Variants in PRPSAP1 observed in about 807,000 individuals in gnomAD.
The protein encoded by PRPSAP1 is phosphoribosyl pyrophosphate synthetase associated protein 1, also known as phosphoribosyl pyrophosphate synthase-associated protein 1.
Under a neutral mutation model 39.4 loss-of-function variants are expected in PRPSAP1, and 31 were observed. That is an observed-to-expected ratio of 0.79 (90% confidence interval 0.59 to 1.06). The LOEUF (loss-of-function observed/expected upper bound fraction) is 1.06, where lower values mean the gene tolerates loss of function less well. Ranked by LOEUF, PRPSAP1 falls within the 50% of genes least tolerant of loss-of-function variation. The pLI is 0.00. For synonymous variants in PRPSAP1, 212 were observed against 192.6 expected, an observed-to-expected ratio of 1.10 and a Z score of -0.83; for missense variants, 430 against 511.6, an observed-to-expected ratio of 0.84 and a Z score of 1.54.
chr17:76,326,946 A>G (rs1042276492), intron 7 of PRPSAP1, among the ~76,000 whole-genome samples: 2 of 152,074 alleles, frequency 1.3e-5, no homozygotes, highest in Admixed American at 1.3e-4. Flanking sequence ...AAAAAACCCC[A>G]TGTATATAAA....
At position 76,332,117 on chromosome 17, in the gene PRPSAP1, C is replaced by T. The variant is rs1056959608; in HGVS notation, c.463+146G>A. The T allele has an allele frequency of 5.6e-6, 5 of 894,954 alleles. No individual in the cohort carries two copies. The East Asian group carries it at 7.4e-5, about 13-fold the overall frequency. The allele number at this position is 894,954 out of a possible 1,614,324, so 55.4% of individuals were successfully genotyped here. A position where few individuals can be genotyped will look rare whatever the true frequency, so the allele number is the denominator to read the frequency against. On this transcript the variant is annotated intron_variant, in intron 4 of 9. Coordinates refer to ENST00000446526, the MANE Select transcript of PRPSAP1 (RefSeq NM_002766.3). Reference sequence around the variant, plus strand: ...TAAGGGAAAAAAAAGAATTTCTAACCGAGCTCACATATCCTTAGCCAAAAC... The same window carrying T: ...TAAGGGAAAAAAAAGAATTTCTAACTGAGCTCACATATCCTTAGCCAAAAC...
At chr17:76,316,756 A>G (rs2071128675) in intron 7 of PRPSAP1, among the ~76,000 whole-genome samples, 1 of 152,236 alleles carries the variant, frequency 6.6e-6, no homozygotes, top group South Asian at 2.1e-4. Context: ...AATGTTTCCA[A>G]TTCATCAAAC....
chr17:76,335,237 C>T (rs1236018224), intron 3 of PRPSAP1, among the ~76,000 whole-genome samples: 1 of 152,160 alleles, frequency 6.6e-6, no homozygotes, highest in Non-Finnish European at 1.5e-5. Flanking sequence ...GCATGAGCCA[C>T]CACACCCAGG....
intron 3 of PRPSAP1, among the ~76,000 whole-genome samples, chr17:76,335,558 G>A (rs372154810): frequency 6.6e-6 from 1 of 151,800 alleles, no homozygotes; most frequent in African/African-American, 2.4e-5. Context: ...GTTTCACCAT[G>A]TTGGCCAGGC....
chr17:76,348,350 G>A (rs943215567), intron 2 of PRPSAP1, among the ~76,000 whole-genome samples, 179 bp downstream of exon 2: 6 of 151,626 alleles, frequency 4.0e-5, no homozygotes, highest in Non-Finnish European at 8.8e-5. Flanking sequence ...GCGGGCGTCT[G>A]TAATCCCAGC....
At chr17:76,330,273 C>A in intron 5 of PRPSAP1, 175 bp from the exon 6 acceptor site, 1 of 610,100 alleles carries the variant, frequency 1.6e-6, no homozygotes, top group South Asian at 2.2e-5. Flanking sequence ...CTGGAAAAAG[C>A]ACTCCTACGT....
At chr17:76,350,210 C>A (rs947993700) in intron 1 of PRPSAP1, among the ~76,000 whole-genome samples, 1 of 151,412 alleles carries the variant, frequency 6.6e-6, no homozygotes, top group South Asian at 2.1e-4. Context: ...GAGGCCGAGG[C>A]GGGCGGATCA....
intron 1 of PRPSAP1, among the ~76,000 whole-genome samples, chr17:76,352,270 C>T (rs994033976): frequency 6.6e-6 from 1 of 152,126 alleles, no homozygotes; most frequent in East Asian, 1.9e-4. Context: ...TCTTAGATTT[C>T]TAACAAGTGT....
chr17:76,320,773 G>A (rs2071188117), intron 7 of PRPSAP1, among the ~76,000 whole-genome samples: 1 of 139,478 alleles, frequency 7.2e-6, no homozygotes, highest in African/African-American at 2.5e-5. Context: ...GTCTATGGGA[G>A]CCATTTTTCT....
intron 3 of PRPSAP1, among the ~76,000 whole-genome samples, chr17:76,344,366 T>A (rs2071472795): frequency 6.6e-6 from 1 of 152,228 alleles, no homozygotes; most frequent in Admixed American, 6.5e-5. Flanking sequence ...CCTGACCTCG[T>A]GATCCGCCCG....
intron 8 of PRPSAP1, chr17:76,313,247 G>A (rs1304194891): frequency 1.9e-5 from 8 of 415,930 alleles, no homozygotes; most frequent in Non-Finnish European, 3.4e-5. Context: ...GTGACATTAC[G>A]GCTGGAGCTG....
rs1263924021 is a variant in PRPSAP1, at chr17:76,309,632, C to A, written c.*1910G>T. The A allele has an allele frequency of 6.6e-6, 1 of 152,246 alleles. No homozygotes were observed. The highest frequency in any genetic ancestry group is 2.4e-5 in the African/African-American group (1 of 41,458). The allele number at this position is 152,246 out of a possible 1,614,324, so 9.4% of individuals were successfully genotyped here. A position where few individuals can be genotyped will look rare whatever the true frequency, so the allele number is the denominator to read the frequency against. On this transcript the variant is annotated 3_prime_UTR_variant, in exon 10 of 10. Transcript: ENST00000446526. ...GCAGATTTAACCAACCACGACTGAA[C>A]ACGTACAGATTCCTGTCATGATTCT... is the stretch of plus-strand genomic sequence containing the variant.
intron 2 of PRPSAP1, 67 bp downstream of exon 2, chr17:76,348,462 G>A (rs1311861011): frequency 4.2e-5 from 43 of 1,019,406 alleles, no homozygotes; most frequent in Non-Finnish European, 5.5e-5. Flanking sequence ...GACAGAGTGA[G>A]GCTCTGTCTC....
chr17:76,331,799 G>A (rs924421290), intron 4 of PRPSAP1, among the ~76,000 whole-genome samples: 3 of 152,022 alleles, frequency 2.0e-5, no homozygotes, highest in African/African-American at 4.8e-5. Context: ...GCCAGAAAGC[G>A]TGCCCCCGCC....
At position 76,353,893 on chromosome 17, in the gene PRPSAP1, C is replaced by T; in HGVS notation, c.-190G>A. ...GCGGCCGAGCCTTCGCAGCGCCCGG[C>T]GCCGCCGCCTCAGAGCCAGAGGCAA... is the stretch of plus-strand genomic sequence containing the variant. On this transcript the variant is annotated 5_prime_UTR_variant, in exon 1 of 10. Coordinates refer to ENST00000446526, the MANE Select transcript of PRPSAP1 (RefSeq NM_002766.3). 2 of 1,327,604 alleles carry T rather than the reference C, an allele frequency of 1.5e-6. No homozygotes were observed. The highest frequency in any genetic ancestry group is 1.9e-6 in the Non-Finnish European group (2 of 1,044,162). 82.2% of individuals were successfully genotyped at this position (1,327,604 alleles called of 1,614,324 possible).
intron 1 of PRPSAP1, among the ~76,000 whole-genome samples, chr17:76,349,155 T>A (rs1388168642): frequency 1.3e-5 from 2 of 151,014 alleles, no homozygotes; most frequent in Non-Finnish European, 3.0e-5. Flanking sequence ...AAATACAAAA[T>A]CAGCTGGGCA....
upstream of PRPSAP1, chr17:76,354,050 C>A: frequency 9.1e-7 from 1 of 1,096,920 alleles, no homozygotes; most frequent in Non-Finnish European, 1.1e-6. Context: ...CAGGTTCGCC[C>A]CGCCCCTGCT....
rs750364566 is a variant in PRPSAP1, at chr17:76,313,812, T to C, written c.852+9A>G. On this transcript the variant is annotated intron_variant, in intron 8 of 9. Transcript: ENST00000446526. Reference sequence around the variant, plus strand: ...GCCACCTCTGCACATGGATGACATATAACCATACCACGATGATTGCGATGC... The same window carrying C: ...GCCACCTCTGCACATGGATGACATACAACCATACCACGATGATTGCGATGC... The C allele has an allele frequency of 3.0e-5, 49 of 1,614,002 alleles. No individual in the cohort carries two copies. The highest frequency in any genetic ancestry group is 1.6e-4 in the Middle Eastern group (1 of 6,084).
At chr17:76,353,103 C>G (rs1392287967) in intron 1 of PRPSAP1, 1 of 160,760 alleles carries the variant, frequency 6.2e-6, no homozygotes, top group Non-Finnish European at 1.4e-5. Flanking sequence ...TCCCCCAACT[C>G]ACAACCACGC....
Sources: gnomAD v4.1 joint callset for allele counts (sites outside exome capture counted in the v4.1 genomes callset) on GRCh38, gnomAD v4.1.1 for gene constraint, MANE v1.5 for transcripts, NCBI Gene and HGNC (gene_info 2026-07-23, HGNC 2026-07-21) for gene names.